TIMM22: variants seen among roughly 807,000 people sequenced by gnomAD.
TIMM22 encodes mitochondrial import inner membrane translocase subunit Tim22.
In TIMM22, 12 loss-of-function variants were observed where a neutral mutation model predicts 18.3. The observed-to-expected ratio is 0.65, with a 90% confidence interval of 0.42 to 1.06. TIMM22 has a LOEUF of 1.06. Ranked by LOEUF, TIMM22 falls within the 50% of genes least tolerant of loss-of-function variation. The pLI is 0.00. For synonymous variants in TIMM22, 107 were observed against 98.5 expected (o/e 1.09, Z -0.51); for missense variants, 278 against 252.8 (o/e 1.10, Z -0.68).
chr17:999,358 T>TATATATATATAC (rs1408779709), intron 2 of TIMM22, among the ~76,000 whole-genome samples, 154 bp from the exon 3 acceptor site: 2 of 132,586 alleles, frequency 1.5e-5, no homozygotes, highest in African/African-American at 6.4e-5. Context: ...TATATATATA[T>TATATATATATAC]ACACGCTGTA....
chr17:998,517 A>G (rs1279119790), intron 1 of TIMM22, among the ~76,000 whole-genome samples: 1 of 152,208 alleles, frequency 6.6e-6, no homozygotes, highest in Non-Finnish European at 1.5e-5. Context: ...GAGAGAATGT[A>G]GAGAGAATAG....
In TIMM22 at chr17:1,003,246, A is replaced by T. The variant is rs979975765; in HGVS notation, c.*2158A>T. Reference sequence around the variant, plus strand: ...CAAGGCACACCGATGGCCAGGTGGGACATTTGTACTGTAGCAGCACATGGC... The same window carrying T: ...CAAGGCACACCGATGGCCAGGTGGGTCATTTGTACTGTAGCAGCACATGGC... On this transcript the variant is annotated 3_prime_UTR_variant, in exon 4 of 4. Coordinates refer to ENST00000327158, the MANE Select transcript of TIMM22 (RefSeq NM_013337.4). 1.3e-5 allele frequency: 2 copies of T among 152,286 alleles called. No individual in the cohort carries two copies. The highest frequency in any genetic ancestry group is 4.1e-4 in the South Asian group (2 of 4,832). 9.4% of individuals were successfully genotyped at this position (152,286 alleles called of 1,614,324 possible). A position where few individuals can be genotyped will look rare whatever the true frequency, so the allele number is the denominator to read the frequency against.
chr17:999,065 G>T (rs1403944460), intron 2 of TIMM22, 90 bp downstream of exon 2: 4 of 1,395,138 alleles, frequency 2.9e-6, no homozygotes, highest in Non-Finnish European at 3.9e-6. Flanking sequence ...TCATTTGAAA[G>T]TTGTTACTAG....
rs772125726 is a variant in TIMM22 at position 997,259 on chromosome 17, C to T, written c.117C>T (p.Pro39=). The change falls in exon 1 of 4, where the codon CCC becomes CCT. Residue 39 remains proline (P), a synonymous_variant. Transcript: ENST00000327158. ...LQYLVGDKRQ[P]RLLEPGSLGG... is the part of the protein sequence containing the mutation. Reference sequence around the variant, plus strand: ...ACCTGGTGGGTGACAAGCGTCAGCCCCGGCTCCTGGAGCCTGGGAGCCTGG... The same window carrying T: ...ACCTGGTGGGTGACAAGCGTCAGCCTCGGCTCCTGGAGCCTGGGAGCCTGG... The T allele has an allele frequency of 1.5e-5, 24 of 1,613,584 alleles. No individual in the cohort carries two copies. In the South Asian group the frequency reaches 2.1e-4, roughly 14 times the overall value.
chr17:1,000,176 G>C (rs548336218), intron 3 of TIMM22, among the ~76,000 whole-genome samples: 3 of 151,994 alleles, frequency 2.0e-5, no homozygotes, highest in Non-Finnish European at 1.5e-5. Flanking sequence ...GAGCCACCAC[G>C]TGTGGCCAAC....
In TIMM22 at chr17:997,147, C is replaced by T. The variant is rs762878830; in HGVS notation, c.5C>T (p.Ala2Val). Residue 2 changes from alanine (A) to valine (V), a missense_variant, in exon 1 of 4, where the codon GCG becomes GTG. Transcript: ENST00000327158. ...GTTGCTTGGGCAGCGACTGTCATGG[C>T]GGCGGCCGCCCCCAATGCCGGAGGC... MAAAAPNAGGSA... is the reference protein window; with the variant it reads MVAAAPNAGGSA... 3 of 1,608,344 alleles carry T rather than the reference C, an allele frequency of 1.9e-6. No individual in the cohort carries two copies. Among genetic ancestry groups the T allele is most frequent in the South Asian group, 1.1e-5 (1 of 90,900 alleles).
chr17:1,001,753 G>GGCGCGC lies in TIMM22; in HGVS notation c.*669_*670insGCGCGC, dbSNP rs2069751674. On this transcript the variant is annotated 3_prime_UTR_variant, in exon 4 of 4. Transcript: ENST00000327158. The stretch of plus-strand genomic sequence containing the variant: ...AAGCTCCCAGGGAAGCGGGGGATGG[G>GGCGCGC]GCGCTGAGGCAGGGTTGTTAGAGGA... 2 of 152,506 alleles carry GGCGCGC rather than the reference G, an allele frequency of 1.3e-5. No individual in the cohort carries two copies. The highest frequency in any genetic ancestry group is 6.5e-5 in the Admixed American group (1 of 15,316). The allele number at this position is 152,506 out of a possible 1,614,324, so 9.4% of individuals were successfully genotyped here. A position where few individuals can be genotyped will look rare whatever the true frequency, so the allele number is the denominator to read the frequency against.
At chr17:999,491 C>T (rs754549024) in intron 2 of TIMM22, 21 bp from the exon 3 acceptor site, 6 of 1,612,594 alleles carry the variant, frequency 3.7e-6, no homozygotes, top group East Asian at 2.2e-5. Context: ...TTGGCTCTAA[C>T]GTGTACTTCC....
At chr17:999,432 C>G in intron 2 of TIMM22, 80 bp from the exon 3 acceptor site, 1 of 1,420,718 alleles carries the variant, frequency 7.0e-7, no homozygotes, top group Admixed American at 1.9e-5. Flanking sequence ...AATGAGCTAA[C>G]GAGCAACCCT....
chr17:998,750 G>A, intron 1 of TIMM22, 29 bp from the exon 2 acceptor site: 1 of 1,602,566 alleles, frequency 6.2e-7, no homozygotes, highest in Non-Finnish European at 8.5e-7. Context: ...ACATGCCAAA[G>A]ACACCTTCAT....
Position 998,982 on chromosome 17 carries a change from G to C in TIMM22, c.435+7G>C, listed in dbSNP as rs1310734680. ...TGAGTGTTTGATAGAATCTGTAAGTGTCTCTGCCTTCTAAGAAATCCTTGC... is the reference window on the plus strand; with the variant it reads ...TGAGTGTTTGATAGAATCTGTAAGTCTCTCTGCCTTCTAAGAAATCCTTGC... On this transcript the variant is annotated splice_region_variant and intron_variant, in intron 2 of 3. Transcript: ENST00000327158. 3.1e-6 allele frequency: 5 copies of C among 1,598,916 alleles called. No individual in the cohort carries two copies. In the Admixed American group the frequency reaches 8.5e-5, roughly 27 times the overall value.
Position 997,347 on chromosome 17 carries a change from T to G in TIMM22, c.205T>G (p.Cys69Gly). Residue 69 changes from cysteine (C) to glycine (G), a missense_variant, in exon 1 of 4, where the codon TGC becomes GGC. Physicochemically the swap from Cys to Gly is radical, Grantham distance 159. Coordinates refer to ENST00000327158, the MANE Select transcript of TIMM22 (RefSeq NM_013337.4). Reference protein sequence around the residue: ...QKMIEKAMESCAFKAALACVG... With the variant: ...QKMIEKAMESGAFKAALACVG... ...GATGATCGAGAAGGCGATGGAAAGC[T>G]GCGCTTTCAAGGCTGCGCTGGCCTG... 6.2e-7 allele frequency: 1 copy of G among 1,613,590 alleles called. No individual in the cohort carries two copies. Among genetic ancestry groups the G allele is most frequent in the African/African-American group, 1.3e-5 (1 of 75,040 alleles).
At position 997,190 on chromosome 17, in the gene TIMM22, G is replaced by C. The variant is rs775992686; in HGVS notation, c.48G>C (p.Ala16=). The change falls in exon 1 of 4, where the codon GCG becomes GCC. Residue 16 remains alanine, a synonymous_variant. Transcript: ENST00000327158. ...PNAGGSAPET[A]GSAEAPLQYS... is the part of the protein sequence containing the mutation. ...CCGGAGGCTCGGCCCCTGAGACAGC[G>C]GGTTCCGCCGAAGCTCCGCTGCAGT... The C allele has an allele frequency of 6.2e-7, 1 of 1,612,152 alleles. No individual in the cohort carries two copies. The highest frequency in any genetic ancestry group is 8.5e-7 in the Non-Finnish European group (1 of 1,179,766).
rs774758096 is a variant in TIMM22, at chr17:1,003,210, C to T, written c.*2122C>T. ...ACGCTTCCTGTTCAGTGGACAACTT[C>T]ATGCCACTTTCAAGGCACACCGATG... On this transcript the variant is annotated 3_prime_UTR_variant, in exon 4 of 4. Transcript: ENST00000327158. 8 of 152,234 alleles carry T rather than the reference C, an allele frequency of 5.3e-5. No individual in the cohort carries two copies. Among genetic ancestry groups the T allele is most frequent in the Non-Finnish European group, 8.8e-5 (6 of 68,042 alleles). The allele number at this position is 152,234 out of a possible 1,614,324, so 9.4% of individuals were successfully genotyped here.
chr17:999,438 A>G (rs1243189853), intron 2 of TIMM22, 74 bp from the exon 3 acceptor site: 2 of 1,507,818 alleles, frequency 1.3e-6, no homozygotes, highest in Non-Finnish European at 1.8e-6. Flanking sequence ...CTAACGAGCA[A>G]CCCTGTGTAT....
rs1019564620 is a variant in TIMM22, at chr17:1,002,331, C to G, written c.*1243C>G. 2 of 152,184 alleles carry G rather than the reference C, an allele frequency of 1.3e-5. No homozygotes were observed. Among genetic ancestry groups the G allele is most frequent in the African/African-American group, 4.8e-5 (2 of 41,416 alleles). 9.4% of individuals were successfully genotyped at this position (152,184 alleles called of 1,614,324 possible). On this transcript the variant is annotated 3_prime_UTR_variant, in exon 4 of 4. Coordinates refer to ENST00000327158, the MANE Select transcript of TIMM22 (RefSeq NM_013337.4). ...CCTTCAGCCAGTGGTGATGAGTCTCCTTTTTCCTATAATACGGTAATTCCT... is the reference window on the plus strand; with the variant it reads ...CCTTCAGCCAGTGGTGATGAGTCTCGTTTTTCCTATAATACGGTAATTCCT...
intron 3 of TIMM22, among the ~76,000 whole-genome samples, chr17:999,872 T>C (rs887490178): frequency 6.6e-6 from 1 of 151,770 alleles, no homozygotes; most frequent in Non-Finnish European, 1.5e-5. Flanking sequence ...ACCCACGAGA[T>C]GCAAGTAGCA....
Position 1,001,230 on chromosome 17 carries a change from C to G in TIMM22, c.*142C>G. 1.1e-6 allele frequency: 1 copy of G among 895,324 alleles called. No homozygotes were observed. The highest frequency in any genetic ancestry group is 1.7e-6 in the Non-Finnish European group (1 of 578,448). 55.5% of individuals were successfully genotyped at this position (895,324 alleles called of 1,614,324 possible). On this transcript the variant is annotated 3_prime_UTR_variant, in exon 4 of 4. Coordinates refer to ENST00000327158, the MANE Select transcript of TIMM22 (RefSeq NM_013337.4). ...TCATGTCGTTGGTATTCTGAGGGAG[C>G]TGCCTGGCTTCTCTGCCTCCAGCCT...
In TIMM22 at chr17:1,001,978, G is replaced by C. The variant is rs906926484; in HGVS notation, c.*890G>C. 6.6e-6 allele frequency: 1 copy of C among 152,162 alleles called. No homozygotes were observed. The highest frequency in any genetic ancestry group is 1.5e-5 in the Non-Finnish European group (1 of 68,056). The allele number at this position is 152,162 out of a possible 1,614,324, so 9.4% of individuals were successfully genotyped here. ...GAGGCCACATGTGAAGGGTCCTGCT[G>C]TGGTCATCTTGGTGACTCGGTCACA... On this transcript the variant is annotated 3_prime_UTR_variant, in exon 4 of 4. Transcript: ENST00000327158.
Sources: allele counts gnomAD v4.1 joint callset (sites outside exome capture counted in the v4.1 genomes callset), GRCh38; gene constraint gnomAD v4.1.1; transcripts MANE v1.5; gene names NCBI Gene and HGNC (gene_info 2026-07-23, HGNC 2026-07-21).